The following ANKS1B variants were observed in gnomAD, a reference collection of about 807,000 sequenced individuals.
ANKS1B encodes ankyrin repeat and sterile alpha motif domain-containing protein 1B.
In ANKS1B, 36 loss-of-function variants were observed where a neutral mutation model predicts 148.3. That is an observed-to-expected ratio of 0.24 (90% CI 0.19 to 0.32). ANKS1B has a LOEUF of 0.32. Ranked by LOEUF, ANKS1B falls within the 10% of genes least tolerant of loss-of-function variation. The probability of loss-of-function intolerance (pLI) is 1.00; values close to 1 mark genes in which losing one functional copy is unlikely to be tolerated. For synonymous variants in ANKS1B, 542 were observed against 560.8 expected, an observed-to-expected ratio of 0.97 and a Z score of 0.47; for missense variants, 1,157 against 1,542.6, an observed-to-expected ratio of 0.75 and a Z score of 4.19.
chr12:99,399,293 T>C (rs1489893638), intron 12 of ANKS1B, among the ~76,000 whole-genome samples: 1 of 152,126 alleles, frequency 6.6e-6, no homozygotes, highest in Non-Finnish European at 1.5e-5. Flanking sequence ...TTCTCCGGCT[T>C]CAAAGCATCT....
At chr12:98,905,868 A>T (rs1230107544) in intron 17 of ANKS1B, among the ~76,000 whole-genome samples, 1 of 152,182 alleles carries the variant, frequency 6.6e-6, no homozygotes, top group East Asian at 1.9e-4. Context: ...AATGAAAAGA[A>T]TAGAAGAATG....
chr12:99,438,205 C>T (rs778135085), intron 11 of ANKS1B, among the ~76,000 whole-genome samples: 4 of 151,806 alleles, frequency 2.6e-5, no homozygotes, highest in Non-Finnish European at 5.9e-5. Flanking sequence ...AACTTCCTCA[C>T]CTATAAAATG....
At chr12:99,848,798 C>T (rs961882595) in intron 1 of ANKS1B, among the ~76,000 whole-genome samples, 3 of 151,296 alleles carry the variant, frequency 2.0e-5, no homozygotes, top group Non-Finnish European at 4.4e-5. Flanking sequence ...AAATGAGCAA[C>T]GTCAATGGTG....
At chr12:99,628,177 C>A (rs906865060) in intron 9 of ANKS1B, among the ~76,000 whole-genome samples, 1 of 152,004 alleles carries the variant, frequency 6.6e-6, no homozygotes, top group African/African-American at 2.4e-5. Flanking sequence ...ACAGTATTAA[C>A]CATTTGCATG....
intron 26 of ANKS1B, among the ~76,000 whole-genome samples, chr12:98,746,863 C>T (rs527926053): frequency 1.6e-4 from 24 of 152,292 alleles, no homozygotes; most frequent in African/African-American, 5.8e-4. Flanking sequence ...CCAGAATAAT[C>T]TATACAACAG....
intron 17 of ANKS1B, among the ~76,000 whole-genome samples, chr12:98,989,780 C>T (rs1021959882): frequency 1.3e-5 from 2 of 152,006 alleles, no homozygotes; most frequent in African/African-American, 4.8e-5. Context: ...GTCATTCAGG[C>T]TGCTCGGGAG....
intron 17 of ANKS1B, among the ~76,000 whole-genome samples, chr12:98,947,223 T>G (rs936750315): frequency 7.2e-5 from 11 of 152,146 alleles, no homozygotes; most frequent in African/African-American, 2.7e-4. Context: ...AGAAGGCTTT[T>G]GAGTAGAGTG....
intron 9 of ANKS1B, among the ~76,000 whole-genome samples, chr12:99,557,137 ATG>A (rs2097285556): frequency 6.6e-6 from 1 of 152,066 alleles, no homozygotes. Context: ...AATCTGATCA[ATG>A]TGTGTCTTGG....
At chr12:99,872,664 C>G (rs1197214872) in intron 1 of ANKS1B, among the ~76,000 whole-genome samples, 1 of 152,036 alleles carries the variant, frequency 6.6e-6, no homozygotes, top group Non-Finnish European at 1.5e-5. Context: ...TTTAAAGATT[C>G]TTATTGTTTT....
At chr12:99,371,281 T>A (rs564155285) in intron 12 of ANKS1B, among the ~76,000 whole-genome samples, 2 of 152,108 alleles carry the variant, frequency 1.3e-5, no homozygotes, top group Admixed American at 1.3e-4. Context: ...TATATTTTAC[T>A]GTATGTTGTC....
chr12:99,744,198 G>T (rs2060376689), intron 8 of ANKS1B, among the ~76,000 whole-genome samples: 1 of 151,888 alleles, frequency 6.6e-6, no homozygotes, highest in Admixed American at 6.6e-5. Context: ...GAAGGGGAAA[G>T]GTTTCAAGTG....
chr12:99,829,201 C>T lies in ANKS1B; in HGVS notation c.135-3812G>A, dbSNP rs115659689. Among the ~76,000 whole-genome samples, 1,188 of 151,782 alleles carry T rather than the reference C, an allele frequency of 7.8e-3. 16 individuals are homozygous for T. The highest frequency in any genetic ancestry group is 0.027 in the African/African-American group (1,114 of 41,416). ...TTTAAAAATTATCAGAACTGAAGGA[C>T]ATTAATTTACCAAATAAAATGTACA... On this transcript the variant is annotated intron_variant, in intron 1 of 26. Coordinates refer to ENST00000683438, the MANE Select transcript of ANKS1B (RefSeq NM_001352186.2).
At chr12:99,428,934 A>G (rs1290029759) in intron 11 of ANKS1B, among the ~76,000 whole-genome samples, 1 of 152,210 alleles carries the variant, frequency 6.6e-6, no homozygotes, top group African/African-American at 2.4e-5. Context: ...AAAAGGACAC[A>G]GGAGGACTCC....
intron 14 of ANKS1B, among the ~76,000 whole-genome samples, chr12:99,204,059 A>G (rs1339050733): frequency 2.9e-5 from 3 of 104,222 alleles, no homozygotes; most frequent in African/African-American, 8.5e-5. Flanking sequence ...GGTTGAATAC[A>G]TAAATCTATT....
chr12:98,916,413 A>G lies in ANKS1B; in HGVS notation c.2779-84277T>C, dbSNP rs193071983. Among the ~76,000 whole-genome samples the G allele has an allele frequency of 2.0e-5, 3 of 152,368 alleles. No homozygotes were observed. In the East Asian group the frequency reaches 5.8e-4, roughly 29 times the overall value. ...CGTTTAAGGAGGTGGTGGAGGCGGCAGTCTATCCAACACCCTCCACACAGG... is the reference window on the plus strand; with the variant it reads ...CGTTTAAGGAGGTGGTGGAGGCGGCGGTCTATCCAACACCCTCCACACAGG... On this transcript the variant is annotated intron_variant, in intron 17 of 26. Transcript: ENST00000683438.
chr12:99,662,648 T>C (rs2098483300), intron 8 of ANKS1B, among the ~76,000 whole-genome samples: 1 of 152,206 alleles, frequency 6.6e-6, no homozygotes, highest in Admixed American at 6.5e-5. Flanking sequence ...CTTCCTTCCA[T>C]ATTCAAAATA....
At chr12:99,284,798 G>GT (rs911546583) in intron 12 of ANKS1B, among the ~76,000 whole-genome samples, 2 of 152,060 alleles carry the variant, frequency 1.3e-5, no homozygotes, top group African/African-American at 4.8e-5. Context: ...GGTCTTTAAG[G>GT]TTTTTTGTGA....
At chr12:99,759,539 G>A (rs749557953) in intron 8 of ANKS1B, among the ~76,000 whole-genome samples, 5 of 151,888 alleles carry the variant, frequency 3.3e-5, no homozygotes, top group Admixed American at 1.3e-4. Context: ...GCATTTCCTC[G>A]GACACAGAGT....
chr12:98,964,916 A>ATTTGTTAT (rs1403173098), intron 17 of ANKS1B, among the ~76,000 whole-genome samples: 2 of 152,224 alleles, frequency 1.3e-5, no homozygotes, highest in East Asian at 3.8e-4. Context: ...ATTTGATAGC[A>ATTTGTTAT]CAACAGGTTA....
Sources: allele counts gnomAD v4.1 joint callset (sites outside exome capture counted in the v4.1 genomes callset), GRCh38; gene constraint gnomAD v4.1.1; transcripts MANE v1.5; gene names NCBI Gene and HGNC (gene_info 2026-07-23, HGNC 2026-07-21).